The following ACTR6 variants were observed in gnomAD, a reference collection of about 807,000 sequenced individuals.
ACTR6 encodes actin-related protein 6.
In ACTR6, 50 loss-of-function variants were observed where a neutral mutation model predicts 52.5. That is an observed-to-expected ratio of 0.95 (90% confidence interval 0.76 to 1.20). The LOEUF is 1.20. ACTR6 is among the 50% of genes most tolerant of loss of function. ACTR6 has a pLI of 0.00. For synonymous variants in ACTR6, 135 were observed against 147.2 expected, an observed-to-expected ratio of 0.92 and a Z score of 0.60; for missense variants, 344 against 472.4, an observed-to-expected ratio of 0.73 and a Z score of 2.52.
chr12:100,211,843 C>G (rs1416109477), intron 6 of ACTR6, among the ~76,000 whole-genome samples: 2 of 151,982 alleles, frequency 1.3e-5, no homozygotes, highest in East Asian at 3.9e-4. Flanking sequence ...TAAGCTTCAC[C>G]CTCAGTCAAA....
Position 100,224,154 on chromosome 12 carries a change from G to A in ACTR6, c.*239G>A, listed in dbSNP as rs914475427. ...TAACAATGCTTATGCTGTTTCCAAG[G>A]GTAGGTTATTTTTCATTAAAAGAAG... is the stretch of plus-strand genomic sequence containing the variant. On this transcript the variant is annotated 3_prime_UTR_variant, in exon 11 of 11. Transcript: ENST00000188312. 10 of 288,066 alleles carry A rather than the reference G, an allele frequency of 3.5e-5. No homozygotes were observed. The highest frequency in any genetic ancestry group is 5.0e-5 in the Non-Finnish European group (8 of 158,888). The allele number at this position is 288,066 out of a possible 1,614,324, so 17.8% of individuals were successfully genotyped here. A position where few individuals can be genotyped will look rare whatever the true frequency, so the allele number is the denominator to read the frequency against.
Position 100,200,829 on chromosome 12 carries a change from G to A in ACTR6, c.-23G>A, listed in dbSNP as rs1006516348. On this transcript the variant is annotated 5_prime_UTR_variant, in exon 1 of 11. Coordinates refer to ENST00000188312, the MANE Select transcript of ACTR6 (RefSeq NM_022496.5). ...GGGTCGGAAAGGGAAAACAACTACG[G>A]CTGCGGTGTGGTTGGTGGTGAGATG... The A allele has an allele frequency of 6.2e-7, 1 of 1,613,376 alleles. No homozygotes were observed. The highest frequency in any genetic ancestry group is 1.3e-5 in the African/African-American group (1 of 74,910).
At position 100,208,894 on chromosome 12, in the gene ACTR6, G is replaced by A. The variant is rs376003909; in HGVS notation, c.379+1108G>A. On this transcript the variant is annotated intron_variant, in intron 4 of 10. Transcript: ENST00000188312. ...CCCAAGTAGCTGGGACCACAGGTAT[G>A]TGCTGCCACATCTGGCTGATTTATT... 164 of 402,508 alleles carry A rather than the reference G, an allele frequency of 4.1e-4. 2 individuals are homozygous for A. The highest frequency in any genetic ancestry group is 2.8e-3 in the South Asian group (157 of 55,928). The allele number at this position is 402,508 out of a possible 1,614,324, so 24.9% of individuals were successfully genotyped here. A position where few individuals can be genotyped will look rare whatever the true frequency, so the allele number is the denominator to read the frequency against.
intron 4 of ACTR6, among the ~76,000 whole-genome samples, chr12:100,209,629 A>G (rs2096118198): frequency 1.3e-5 from 2 of 152,204 alleles, no homozygotes; most frequent in African/African-American, 4.8e-5. Context: ...CTAGGTTTGA[A>G]TCCTGGCTCT....
Position 100,224,172 on chromosome 12 carries a change from A to G in ACTR6, c.*257A>G, listed in dbSNP as rs1592852769. 4 of 250,696 alleles carry G rather than the reference A, an allele frequency of 1.6e-5. No individual in the cohort carries two copies. The highest frequency in any genetic ancestry group is 2.2e-5 in the Non-Finnish European group (3 of 134,310). 15.5% of individuals were successfully genotyped at this position (250,696 alleles called of 1,614,324 possible). A position where few individuals can be genotyped will look rare whatever the true frequency, so the allele number is the denominator to read the frequency against. ...TTCCAAGGGTAGGTTATTTTTCATT[A>G]AAAGAAGAATGAATGCATTTTAAGT... On this transcript the variant is annotated 3_prime_UTR_variant, in exon 11 of 11. Coordinates refer to ENST00000188312, the MANE Select transcript of ACTR6 (RefSeq NM_022496.5).
At chr12:100,202,593 G>A (rs1023128874) in intron 1 of ACTR6, among the ~76,000 whole-genome samples, 2 of 152,060 alleles carry the variant, frequency 1.3e-5, no homozygotes, top group African/African-American at 4.8e-5. Context: ...TTCCAAACCA[G>A]ATTGTAAGCT....
chr12:100,218,684 G>T lies in ACTR6; in HGVS notation c.922+98G>T. ...TCCTCTAAATAATTTCAGGCAAATT[G>T]GTGAGTCTGTTTTATTTGCAGAGAT... On this transcript the variant is annotated intron_variant, in intron 9 of 10. Transcript: ENST00000188312. This position sits in a 1 kb window ranked among gnomAD's most constrained non-coding sequence, Gnocchi z 4.2. 1.4e-6 allele frequency: 1 copy of T among 733,070 alleles called. No homozygotes were observed. Among genetic ancestry groups the T allele is most frequent in the Non-Finnish European group, 1.9e-6 (1 of 520,918 alleles). The allele number at this position is 733,070 out of a possible 1,614,324, so 45.4% of individuals were successfully genotyped here. A position where few individuals can be genotyped will look rare whatever the true frequency, so the allele number is the denominator to read the frequency against.
chr12:100,220,507 G>C (rs993953674), intron 10 of ACTR6, among the ~76,000 whole-genome samples: 8 of 151,926 alleles, frequency 5.3e-5, no homozygotes, highest in Non-Finnish European at 1.2e-4. Flanking sequence ...GTTTCTGTCA[G>C]GAATAGAAAT....
intron 9 of ACTR6, 86 bp from the exon 10 acceptor site, chr12:100,219,921 TC>T: frequency 7.1e-7 from 1 of 1,409,664 alleles, no homozygotes; most frequent in Non-Finnish European, 9.7e-7. Flanking sequence ...TTGCTTCTTA[TC>T]TGATCCCTCA....
rs992849453 is a variant in ACTR6 at position 100,209,990 on chromosome 12, G to A, written c.380-83G>A. 9 of 1,236,360 alleles carry A rather than the reference G, an allele frequency of 7.3e-6. No individual in the cohort carries two copies. The African/African-American group carries it at 1.4e-4, about 19-fold the overall frequency. 76.6% of individuals were successfully genotyped at this position (1,236,360 alleles called of 1,614,324 possible). The stretch of plus-strand genomic sequence containing the variant: ...TAATAAAGGGAACATTTTTGTCTTG[G>A]TGCTTGTCTTTGTTTCCTACCTTTT... On this transcript the variant is annotated intron_variant, in intron 4 of 10. Transcript: ENST00000188312.
chr12:100,203,485 A>T (rs2096111639), intron 1 of ACTR6, among the ~76,000 whole-genome samples: 1 of 151,464 alleles, frequency 6.6e-6, no homozygotes, highest in Non-Finnish European at 1.5e-5. Flanking sequence ...TATATTTTTT[A>T]GTAGAGATGG....
At chr12:100,212,646 C>A in intron 8 of ACTR6, 118 bp downstream of exon 8, 1 of 652,474 alleles carries the variant, frequency 1.5e-6, no homozygotes, top group South Asian at 2.0e-5. Flanking sequence ...AAGCCCCTGT[C>A]TCTATTATAA....
At chr12:100,204,535 GT>G (rs1036205378) in intron 1 of ACTR6, among the ~76,000 whole-genome samples, 1 of 150,904 alleles carries the variant, frequency 6.6e-6, no homozygotes, top group Non-Finnish European at 1.5e-5. Flanking sequence ...TAATTTTTGT[GT>G]TTTTTTTTAG....
intron 8 of ACTR6, among the ~76,000 whole-genome samples, chr12:100,217,485 C>G (rs969232812): frequency 3.9e-5 from 6 of 152,100 alleles, no homozygotes; most frequent in African/African-American, 1.4e-4. Flanking sequence ...TCTAGGAAAG[C>G]TGATGGTTGT....
intron 10 of ACTR6, among the ~76,000 whole-genome samples, chr12:100,223,414 C>A (rs2096129875): frequency 6.6e-6 from 1 of 151,946 alleles, no homozygotes. Context: ...GATGACATAT[C>A]TTTGCCACAT....
At chr12:100,201,208 C>A in intron 1 of ACTR6, 5 of 627,092 alleles carry the variant, frequency 8.0e-6, no homozygotes, top group Non-Finnish European at 1.2e-5. Flanking sequence ...ACAGAAGGGT[C>A]CGTAAAGTTC....
rs1188233578 is a variant in ACTR6 at position 100,224,056 on chromosome 12, A to C, written c.*141A>C. ...ATACTTTGATCGATTGCTAATTTTC[A>C]AAGGCTTCTTAGGTAGGTTACTACA... On this transcript the variant is annotated 3_prime_UTR_variant, in exon 11 of 11. Coordinates refer to ENST00000188312, the MANE Select transcript of ACTR6 (RefSeq NM_022496.5). 6 of 957,954 alleles carry C rather than the reference A, an allele frequency of 6.3e-6. No individual in the cohort carries two copies. Among genetic ancestry groups the C allele is most frequent in the Non-Finnish European group, 8.8e-6 (6 of 680,690 alleles). 59.3% of individuals were successfully genotyped at this position (957,954 alleles called of 1,614,324 possible).
intron 8 of ACTR6, among the ~76,000 whole-genome samples, chr12:100,214,445 GATCCTT>G (rs2096122370): frequency 6.6e-6 from 1 of 151,628 alleles, no homozygotes; most frequent in Admixed American, 6.6e-5. Context: ...CTTAGAAACA[GATCCTT>G]ATGGCTGTGT....
intron 3 of ACTR6, among the ~76,000 whole-genome samples, chr12:100,206,437 T>C (rs1411927719): frequency 6.6e-6 from 1 of 152,186 alleles, no homozygotes; most frequent in African/African-American, 2.4e-5. Flanking sequence ...GAGATTGCAC[T>C]ACTGGATTCC....
Sources: allele counts gnomAD v4.1 joint callset (sites outside exome capture counted in the v4.1 genomes callset), GRCh38; gene constraint gnomAD v4.1.1; non-coding constraint Gnocchi (gnomAD v3.1); transcripts MANE v1.5; gene names NCBI Gene and HGNC (gene_info 2026-07-23, HGNC 2026-07-21).